The following CSMD1 variants were observed in gnomAD, a reference collection of about 807,000 sequenced individuals.
CSMD1 encodes CUB and sushi domain-containing protein 1.
CSMD1 carries 213 observed loss-of-function variants against 417.5 expected under a neutral mutation model. The observed-to-expected ratio is 0.51, with a 90% CI of 0.46 to 0.57. The LOEUF (loss-of-function observed/expected upper bound fraction) is 0.57, where lower values mean the gene tolerates loss of function less well. Among genes scored for constraint, CSMD1 ranks in the 20% least tolerant of loss-of-function variants. The pLI is 0.00. For missense variants in CSMD1, 6,923 were observed against 4,529.7 expected (o/e 1.53, Z -15.17); for synonymous variants, 2,862 against 1,736.8 (o/e 1.65, Z -16.11).
intron 23 of CSMD1, among the ~76,000 whole-genome samples, chr8:3,318,796 A>G (rs568747644): frequency 1.4e-4 from 21 of 152,178 alleles, no homozygotes; most frequent in Non-Finnish European, 2.6e-4. Flanking sequence ...GGCAGCCCAC[A>G]CACACAGACA....
chr8:3,054,068 C>A (rs781540896), intron 49 of CSMD1, among the ~76,000 whole-genome samples: 3 of 152,166 alleles, frequency 2.0e-5, no homozygotes, highest in Non-Finnish European at 4.4e-5. Flanking sequence ...TAACCTCTGG[C>A]CAGAGAGCAA....
chr8:3,483,881 G>A (rs1010106825), intron 11 of CSMD1, among the ~76,000 whole-genome samples: 3 of 152,122 alleles, frequency 2.0e-5, no homozygotes, highest in Non-Finnish European at 4.4e-5. Context: ...AGAGGCTAAA[G>A]AAAGAACATG....
rs182509936 is a variant in CSMD1, at chr8:4,189,644, A to G, written c.416-157545T>C. ...ACCCCTAGCAAAGACCCTTCTACTG[A>G]TGTTCTAAACCCTTATTTATCATGG... is the stretch of plus-strand genomic sequence containing the variant. On this transcript the variant is annotated intron_variant, in intron 3 of 69. Transcript: ENST00000635120. Among the ~76,000 whole-genome samples, 146 of 152,302 alleles carry G rather than the reference A, an allele frequency of 9.6e-4. 1 individual carries two copies. The highest frequency in any genetic ancestry group is 1.5e-3 in the Admixed American group (23 of 15,300).
At chr8:3,621,163 T>C (rs549785879) in intron 7 of CSMD1, among the ~76,000 whole-genome samples, 5 of 152,290 alleles carry the variant, frequency 3.3e-5, no homozygotes, top group African/African-American at 9.6e-5. Flanking sequence ...TTCTACCCTC[T>C]AGAATTGTGG....
At chr8:3,526,449 A>G (rs1471599277) in intron 10 of CSMD1, among the ~76,000 whole-genome samples, 1 of 152,118 alleles carries the variant, frequency 6.6e-6, no homozygotes, top group Non-Finnish European at 1.5e-5. Flanking sequence ...GACACAGCAG[A>G]TATATTACCA....
At chr8:4,736,399 G>A (rs1374504029) in intron 1 of CSMD1, among the ~76,000 whole-genome samples, 1 of 152,088 alleles carries the variant, frequency 6.6e-6, no homozygotes, top group Non-Finnish European at 1.5e-5. Context: ...GAGAGAGAGA[G>A]CAATGATTTA....
intron 41 of CSMD1, among the ~76,000 whole-genome samples, chr8:3,123,592 C>T (rs1053338244): frequency 2.8e-5 from 4 of 144,404 alleles, no homozygotes; most frequent in East Asian, 1.9e-4. Flanking sequence ...CAAATATGAA[C>T]GCTAATAAAA....
intron 3 of CSMD1, among the ~76,000 whole-genome samples, chr8:4,367,933 A>T (rs111957031): frequency 1.3e-5 from 2 of 152,132 alleles, no homozygotes; most frequent in African/African-American, 2.4e-5. Flanking sequence ...GTTGTTTATC[A>T]GTTCTAGAAG....
intron 3 of CSMD1, among the ~76,000 whole-genome samples, chr8:4,394,877 T>G (rs894768192): frequency 6.6e-6 from 1 of 152,148 alleles, no homozygotes; most frequent in South Asian, 2.1e-4. Context: ...TACAACCTTG[T>G]CTACACGTCT....
rs1425655615 is a variant in CSMD1, at chr8:4,573,719, C to A, written c.302+63623G>T. 2.0e-5 allele frequency among the ~76,000 whole-genome samples: 3 copies of A among 152,124 alleles called. No homozygotes were observed. The East Asian group carries it at 5.8e-4, about 30-fold the overall frequency. On this transcript the variant is annotated intron_variant, in intron 2 of 69. Transcript: ENST00000635120. ...GAGTTAGGTCTGCTGAAGCTGCACC[C>A]ACAGCCACTCCTTCCCCCAGGTGCT...
chr8:4,228,868 G>C lies in CSMD1; in HGVS notation c.415+191085C>G, dbSNP rs139192801. 6.5e-4 allele frequency among the ~76,000 whole-genome samples: 99 copies of C among 152,040 alleles called. No individual in the cohort carries two copies. In the East Asian group the frequency reaches 0.019, roughly 29 times the overall value. The stretch of plus-strand genomic sequence containing the variant: ...AGCTAATTTTTGTATTTTTAGTAGA[G>C]ACCGGCTTTCCCCAAGTTGGCCAGG... On this transcript the variant is annotated intron_variant, in intron 3 of 69. Coordinates refer to ENST00000635120, the MANE Select transcript of CSMD1 (RefSeq NM_033225.6).
chr8:2,984,352 T>C (rs778213031), intron 54 of CSMD1, among the ~76,000 whole-genome samples: 1 of 151,992 alleles, frequency 6.6e-6, no homozygotes, highest in Non-Finnish European at 1.5e-5. Context: ...TTATTTACTT[T>C]TTCTTTTTTC....
chr8:3,354,509 G>T (rs2113351), intron 21 of CSMD1, among the ~76,000 whole-genome samples: 1 of 151,818 alleles, frequency 6.6e-6, no homozygotes, highest in Admixed American at 6.6e-5. Context: ...TGTGTTCTAC[G>T]CAACAAATAA....
chr8:3,510,436 G>C (rs938927445), intron 10 of CSMD1, among the ~76,000 whole-genome samples: 2 of 151,810 alleles, frequency 1.3e-5, no homozygotes, highest in Admixed American at 1.3e-4. Flanking sequence ...CTGGCATGGG[G>C]TAAGTTACTC....
chr8:4,287,631 G>A (rs1226133393), intron 3 of CSMD1, among the ~76,000 whole-genome samples: 1 of 150,276 alleles, frequency 6.7e-6, no homozygotes. Context: ...TTAATTAAAT[G>A]CTGGCTGCAG....
chr8:4,005,105 G>A (rs375775428), intron 4 of CSMD1, among the ~76,000 whole-genome samples: 4 of 152,108 alleles, frequency 2.6e-5, no homozygotes, highest in African/African-American at 7.2e-5. Flanking sequence ...CAAAGGAATA[G>A]GAATGATATA....
chr8:3,607,719 A>T (rs1028606784), intron 8 of CSMD1, among the ~76,000 whole-genome samples: 1 of 152,230 alleles, frequency 6.6e-6, no homozygotes, highest in South Asian at 2.1e-4. Context: ...ACGGAGAACT[A>T]TTCCATATCA....
At chr8:3,457,255 T>C (rs899092577) in intron 12 of CSMD1, among the ~76,000 whole-genome samples, 4 of 152,000 alleles carry the variant, frequency 2.6e-5, no homozygotes, top group Admixed American at 1.3e-4. Context: ...CTCGTGAACC[T>C]GTTTCCCTTG....
chr8:4,088,413 T>C (rs933342499), intron 3 of CSMD1, among the ~76,000 whole-genome samples: 2 of 152,222 alleles, frequency 1.3e-5, no homozygotes, highest in African/African-American at 4.8e-5. Flanking sequence ...TTCTCAGGTT[T>C]CCTCTCCAAA....
Sources: gnomAD v4.1 joint callset for allele counts (sites outside exome capture counted in the v4.1 genomes callset) on GRCh38, gnomAD v4.1.1 for gene constraint, MANE v1.5 for transcripts, NCBI Gene and HGNC (gene_info 2026-07-23, HGNC 2026-07-21) for gene names.